The following PCDHGA4 variants were observed in gnomAD, a reference collection of about 807,000 sequenced individuals.
PCDHGA4 encodes protocadherin gamma-A4.
Under a neutral mutation model 54.6 loss-of-function variants are expected in PCDHGA4, and 38 were observed. The ratio of observed to expected loss-of-function variants is 0.70; its 90% CI spans 0.54 to 0.91. The LOEUF (loss-of-function observed/expected upper bound fraction) is 0.91, where lower values mean the gene tolerates loss of function less well. Among genes scored for constraint, PCDHGA4 ranks in the 40% least tolerant of loss-of-function variants. The probability of loss-of-function intolerance (pLI) is 0.00; values close to 1 mark genes in which losing one functional copy is unlikely to be tolerated. For synonymous variants in PCDHGA4, 511 were observed against 512.9 expected (o/e 1.00, Z 0.05); for missense variants, 1,298 against 1,220.9 (o/e 1.06, Z -0.94).
intron 1 of PCDHGA4, chr5:141,404,643 AC>A (rs769032535): frequency 2.5e-6 from 4 of 1,614,126 alleles, no homozygotes; most frequent in East Asian, 4.5e-5. Flanking sequence ...GAAATCCTGT[AC>A]CCTGCCCTCC....
At chr5:141,451,107 C>T (rs768308463) in intron 1 of PCDHGA4, among the ~76,000 whole-genome samples, 3 of 152,118 alleles carry the variant, frequency 2.0e-5, no homozygotes, top group Non-Finnish European at 4.4e-5. Flanking sequence ...GGATTACAGG[C>T]GTGAGCCACC....
chr5:141,413,483 G>A (rs2095646690), intron 1 of PCDHGA4: 1 of 1,614,080 alleles, frequency 6.2e-7, no homozygotes, highest in East Asian at 2.2e-5. Flanking sequence ...TGCGCTCAGA[G>A]CGCGCGGTGC....
chr5:141,398,753 G>A (rs141932976), intron 1 of PCDHGA4: 3 of 1,613,452 alleles, frequency 1.9e-6, no homozygotes, highest in East Asian at 2.2e-5. Flanking sequence ...AGTTACCATC[G>A]TTTAGTCCTG....
At position 141,432,950 on chromosome 5, in the gene PCDHGA4, G is replaced by A. The variant is rs750033444; in HGVS notation, c.2515-61857G>A. 9.9e-6 allele frequency: 16 copies of A among 1,614,190 alleles called. No individual in the cohort carries two copies. The highest frequency in any genetic ancestry group is 1.3e-5 in the African/African-American group (1 of 75,060). ...ACGCCTGCTGCAGGCTTCAGGAGGC[G>A]GCTTGACAGGAGCGCCGGCGTCGCA... is the stretch of plus-strand genomic sequence containing the variant. On this transcript the variant is annotated intron_variant, in intron 1 of 3. Coordinates refer to ENST00000571252, the MANE Select transcript of PCDHGA4 (RefSeq NM_018917.4). This position sits in a 1 kb window ranked among gnomAD's most constrained non-coding sequence, Gnocchi z 6.0.
chr5:141,431,032 C>T lies in PCDHGA4; in HGVS notation c.2515-63775C>T. 1 of 1,614,008 alleles carries T rather than the reference C, an allele frequency of 6.2e-7. No individual in the cohort carries two copies. The highest frequency in any genetic ancestry group is 2.2e-5 in the East Asian group (1 of 44,848). On this transcript the variant is annotated intron_variant, in intron 1 of 3. Transcript: ENST00000571252. This position sits in a 1 kb window ranked among gnomAD's most constrained non-coding sequence, Gnocchi z 4.8. ...GCTTGGTCACGGCGGGCAGGATAGA[C>T]CGGGAGGAGCTCTGTATGGGGGCCA...
chr5:141,431,685 A>C lies in PCDHGA4; in HGVS notation c.2515-63122A>C. The C allele has an allele frequency of 6.2e-7, 1 of 1,614,246 alleles. No homozygotes were observed. Among genetic ancestry groups the C allele is most frequent in the East Asian group, 2.2e-5 (1 of 44,876 alleles). ...ATATCAACAATAGGGGAGTTGGACCACGAGGAGTCAGGATTCTACCAGATG... is the reference window on the plus strand; with the variant it reads ...ATATCAACAATAGGGGAGTTGGACCCCGAGGAGTCAGGATTCTACCAGATG... On this transcript the variant is annotated intron_variant, in intron 1 of 3. Transcript: ENST00000571252. This position sits in a 1 kb window ranked among gnomAD's most constrained non-coding sequence, Gnocchi z 4.8.
At chr5:141,395,472 A>T in intron 1 of PCDHGA4, 1 of 548,076 alleles carries the variant, frequency 1.8e-6, no homozygotes, top group South Asian at 2.6e-5. Flanking sequence ...GCCTTCCAGT[A>T]TTTTATTCCT....
At chr5:141,423,429 A>G (rs1590473158) in intron 1 of PCDHGA4, 2 of 1,613,960 alleles carry the variant, frequency 1.2e-6, no homozygotes, top group African/African-American at 1.3e-5. Flanking sequence ...GCGGGTTGGC[A>G]GGTATGCCCA....
chr5:141,404,021 A>G, intron 1 of PCDHGA4: 1 of 1,613,894 alleles, frequency 6.2e-7, no homozygotes, highest in Non-Finnish European at 8.5e-7. Flanking sequence ...TAGCCCAGTG[A>G]GAGAAGACGC....
chr5:141,360,903 G>C (rs752031820), intron 1 of PCDHGA4: 2 of 1,614,034 alleles, frequency 1.2e-6, no homozygotes, highest in East Asian at 4.5e-5. Context: ...AGGACGTGCC[G>C]CCGGGCTTCT....
At chr5:141,426,879 G>C (rs1222564201) in intron 1 of PCDHGA4, 3 of 456,710 alleles carry the variant, frequency 6.6e-6, no homozygotes, top group Non-Finnish European at 1.3e-5. Context: ...GAAGCCCCTG[G>C]GCCAGGAGCA....
chr5:141,414,667 G>C, intron 1 of PCDHGA4: 1 of 1,614,002 alleles, frequency 6.2e-7, no homozygotes, highest in Non-Finnish European at 8.5e-7. Flanking sequence ...CCTGGCTGAA[G>C]ACACCATCCA....
At chr5:141,417,703 C>A in intron 1 of PCDHGA4, 1 of 1,205,130 alleles carries the variant, frequency 8.3e-7, no homozygotes, top group Non-Finnish European at 1.1e-6. Context: ...AGCTCCCACA[C>A]AGAGGCTCCC....
intron 1 of PCDHGA4, chr5:141,418,442 G>C: frequency 6.2e-7 from 1 of 1,614,010 alleles, no homozygotes; most frequent in Non-Finnish European, 8.5e-7. Flanking sequence ...TCCAGAATTA[G>C]TATTGCAGAA....
chr5:141,410,230 C>A (rs759582867), intron 1 of PCDHGA4: 2 of 1,614,006 alleles, frequency 1.2e-6, no homozygotes, highest in South Asian at 2.2e-5. Flanking sequence ...CAGACCTCAG[C>A]GACCGCCCTG....
At chr5:141,466,689 A>G (rs2099127361) in intron 1 of PCDHGA4, among the ~76,000 whole-genome samples, 1 of 152,220 alleles carries the variant, frequency 6.6e-6, no homozygotes, top group Admixed American at 6.5e-5. Context: ...CTCAAGCTTC[A>G]TCATAAATTT....
At chr5:141,399,652 G>A in intron 1 of PCDHGA4, 1 of 1,613,758 alleles carries the variant, frequency 6.2e-7, no homozygotes, top group Non-Finnish European at 8.5e-7. Flanking sequence ...GCAAAGTGGG[G>A]TGGTGTTCGC....
Position 141,400,219 on chromosome 5 carries a change from C to T in PCDHGA4, c.2514+42598C>T, listed in dbSNP as rs1200450595. On this transcript the variant is annotated intron_variant, in intron 1 of 3. Coordinates refer to ENST00000571252, the MANE Select transcript of PCDHGA4 (RefSeq NM_018917.4). ...GGTGGCCTTGGCCTTGATCTCAGTG[C>T]TCTTCCTCCTGGCCGTGATTCTGGC... The T allele has an allele frequency of 1.9e-6, 3 of 1,613,934 alleles. No homozygotes were observed. Among genetic ancestry groups the T allele is most frequent in the African/African-American group, 1.3e-5 (1 of 74,930 alleles).
chr5:141,399,988 G>C, intron 1 of PCDHGA4: 1 of 1,612,442 alleles, frequency 6.2e-7, no homozygotes, highest in Non-Finnish European at 8.5e-7. Context: ...GCGCACAGGA[G>C]AGGTGCGCAC....
Sources: gnomAD v4.1 joint callset for allele counts (sites outside exome capture counted in the v4.1 genomes callset) on GRCh38, gnomAD v4.1.1 for gene constraint, Gnocchi (gnomAD v3.1) non-coding constraint, MANE v1.5 for transcripts, NCBI Gene and HGNC (gene_info 2026-07-23, HGNC 2026-07-21) for gene names.